The following PCDHA1 variants were observed in gnomAD, a reference collection of about 807,000 sequenced individuals.
PCDHA1 encodes the protein protocadherin alpha 1.
In PCDHA1, 42 loss-of-function variants were observed where a neutral mutation model predicts 61.3. The observed-to-expected ratio is 0.69, with a 90% CI of 0.54 to 0.89. PCDHA1 has a LOEUF of 0.89. Among genes scored for constraint, PCDHA1 ranks in the 40% least tolerant of loss-of-function variants. The probability of loss-of-function intolerance (pLI) is 0.00; values close to 1 mark genes in which losing one functional copy is unlikely to be tolerated. For missense variants in PCDHA1, 1,256 were observed against 1,235.3 expected, an observed-to-expected ratio of 1.02 and a Z score of -0.25; for synonymous variants, 610 against 553.8, an observed-to-expected ratio of 1.10 and a Z score of -1.43.
At chr5:140,805,523 A>T in intron 1 of PCDHA1, 1 of 986,824 alleles carries the variant, frequency 1.0e-6, no homozygotes, top group Non-Finnish European at 1.2e-6. Context: ...TTGTTTAGAC[A>T]AACAGGATGA....
At position 141,010,031 on chromosome 5, in the gene PCDHA1, A is replaced by C; in HGVS notation, c.*94A>C. On this transcript the variant is annotated 3_prime_UTR_variant, in exon 4 of 4. Transcript: ENST00000504120. Reference sequence around the variant, plus strand: ...TTCCCTGCTCCTTTTTCCTATCTACATGAGCCCTCTTAGAGACCTCAGAAA... The same window carrying C: ...TTCCCTGCTCCTTTTTCCTATCTACCTGAGCCCTCTTAGAGACCTCAGAAA... 4 of 1,581,690 alleles carry C rather than the reference A, an allele frequency of 2.5e-6. No individual in the cohort carries two copies. Among genetic ancestry groups the C allele is most frequent in the South Asian group, 1.2e-5 (1 of 84,422 alleles).
In PCDHA1 at chr5:140,787,898, C is replaced by A; in HGVS notation, c.1608C>A (p.Ser536Arg). Residue 536 changes from serine to arginine, a missense_variant, in exon 1 of 4, where the codon AGC becomes AGA. Ser to Arg is a moderately radical substitution (Grantham distance 110). Transcript: ENST00000504120. The stretch of plus-strand genomic sequence containing the variant: ...TGGAGCTGCTGCAGTTCCAGGTGAG[C>A]GCGCGGGATGCGGGCGTGCCGCCTC... ...EELELLQFQV[S>R]ARDAGVPPLG... 1.2e-6 allele frequency: 2 copies of A among 1,613,526 alleles called. No individual in the cohort carries two copies. Among genetic ancestry groups the A allele is most frequent in the Non-Finnish European group, 1.7e-6 (2 of 1,179,854 alleles).
chr5:140,885,566 G>T (rs190303990), intron 1 of PCDHA1, among the ~76,000 whole-genome samples: 3 of 152,162 alleles, frequency 2.0e-5, no homozygotes, highest in South Asian at 4.2e-4. Flanking sequence ...GAAATTGATT[G>T]TCAGATGTGG....
chr5:140,836,309 A>T, intron 1 of PCDHA1: 1 of 1,613,652 alleles, frequency 6.2e-7, no homozygotes, highest in Non-Finnish European at 8.5e-7. Context: ...AGACGGACGC[A>T]CCGCGCCACC....
At chr5:140,915,446 GT>G (rs2077122918) in intron 1 of PCDHA1, among the ~76,000 whole-genome samples, 1 of 152,184 alleles carries the variant, frequency 6.6e-6, no homozygotes, top group African/African-American at 2.4e-5. Flanking sequence ...TCTTGAGAAG[GT>G]TTTCCAGAAG....
At chr5:140,852,893 T>C in intron 1 of PCDHA1, 1 of 907,664 alleles carries the variant, frequency 1.1e-6, no homozygotes, top group Non-Finnish European at 1.3e-6. Context: ...GTATTTTTTT[T>C]TTTGAGTCAG....
Position 140,801,139 on chromosome 5 carries a change from A to T in PCDHA1, c.2394+12455A>T, listed in dbSNP as rs1430872212. 3 of 1,526,066 alleles carry T rather than the reference A, an allele frequency of 2.0e-6. No homozygotes were observed. The African/African-American group carries it at 4.2e-5, about 21-fold the overall frequency. The allele number at this position is 1,526,066 out of a possible 1,614,324, so 94.5% of individuals were successfully genotyped here. ...TTAAGAAATGAAGATAAGGAACTCG[A>T]ATTATTTTTAAACTTTGGATCAATG... is the stretch of plus-strand genomic sequence containing the variant. On this transcript the variant is annotated intron_variant, in intron 1 of 3. Transcript: ENST00000504120.
chr5:140,967,104 A>T (rs374744732), intron 1 of PCDHA1: 3 of 1,613,028 alleles, frequency 1.9e-6, no homozygotes, highest in Non-Finnish European at 2.5e-6. Context: ...CTGTGTGAGC[A>T]GCGGCCTCGC....
chr5:140,855,917 G>A, intron 1 of PCDHA1: 1 of 1,202,824 alleles, frequency 8.3e-7, no homozygotes, highest in South Asian at 1.6e-5. Flanking sequence ...TCAAGGACTA[G>A]GAAGTAGCGT....
chr5:140,849,842 C>G, intron 1 of PCDHA1: 1 of 1,598,534 alleles, frequency 6.3e-7, no homozygotes, highest in Non-Finnish European at 8.6e-7. Flanking sequence ...CCGACGTGAA[C>G]GACAACGCAC....
At chr5:140,932,066 G>C (rs1196454003) in intron 1 of PCDHA1, among the ~76,000 whole-genome samples, 1 of 151,752 alleles carries the variant, frequency 6.6e-6, no homozygotes, top group Non-Finnish European at 1.5e-5. Flanking sequence ...AAAATTATCA[G>C]TTTAAGAAAT....
intron 1 of PCDHA1, among the ~76,000 whole-genome samples, chr5:140,806,086 G>T (rs1554123533): frequency 6.6e-6 from 1 of 152,142 alleles, no homozygotes; most frequent in Admixed American, 6.5e-5. Context: ...TGTAAAAGAA[G>T]AAAAAATACC....
chr5:140,861,667 T>G (rs1459883845), intron 1 of PCDHA1: 1 of 254,356 alleles, frequency 3.9e-6, no homozygotes, highest in Admixed American at 4.6e-5. Context: ...CGAGAGCTCT[T>G]GATTATCGTG....
At chr5:140,841,727 A>G (rs2150321736) in intron 1 of PCDHA1, 1 of 1,613,902 alleles carries the variant, frequency 6.2e-7, no homozygotes, top group Admixed American at 1.7e-5. Context: ...GTTCCGGGTA[A>G]AAGACCAAAA....
chr5:140,861,154 CA>C lies in PCDHA1; in HGVS notation c.2394+72474del, dbSNP rs782409708. On this transcript the variant is annotated intron_variant, in intron 1 of 3. Coordinates refer to ENST00000504120, the MANE Select transcript of PCDHA1 (RefSeq NM_018900.4). ...CACTTGGAACCTCAGGAACAAGGAC[CA>C]AAAGGTCTCAGAGGAACTAAGTCTT... The C allele has an allele frequency of 5.8e-4, 90 of 154,832 alleles. 1 individual carries two copies. The highest frequency in any genetic ancestry group is 1.2e-3 in the Non-Finnish European group (81 of 69,986). 9.6% of individuals were successfully genotyped at this position (154,832 alleles called of 1,614,324 possible). A position where few individuals can be genotyped will look rare whatever the true frequency, so the allele number is the denominator to read the frequency against.
intron 1 of PCDHA1, among the ~76,000 whole-genome samples, chr5:140,941,286 C>CTCTT (rs5871754): frequency 5.6e-5 from 6 of 106,818 alleles, no homozygotes; most frequent in African/African-American, 1.4e-4. Context: ...TCCTTCCTTT[C>CTCTT]TCTTTCTTTC....
intron 1 of PCDHA1, chr5:140,807,563 A>G: frequency 1.2e-6 from 2 of 1,614,194 alleles, no homozygotes; most frequent in South Asian, 1.1e-5. Flanking sequence ...GGTGAGGGAC[A>G]TTAACGATAA....
At chr5:140,951,420 T>G (rs1212893926) in intron 1 of PCDHA1, among the ~76,000 whole-genome samples, 3 of 151,992 alleles carry the variant, frequency 2.0e-5, no homozygotes, top group African/African-American at 7.2e-5. Flanking sequence ...TGGCTCACAG[T>G]TCCACAGGCT....
chr5:141,002,649 T>C (rs2098089134), intron 3 of PCDHA1, among the ~76,000 whole-genome samples: 2 of 152,214 alleles, frequency 1.3e-5, no homozygotes, highest in South Asian at 2.1e-4. Context: ...GTCTACTTCA[T>C]AGGGCTCTTG....
Sources: allele counts gnomAD v4.1 joint callset (sites outside exome capture counted in the v4.1 genomes callset), GRCh38; gene constraint gnomAD v4.1.1; transcripts MANE v1.5; gene names NCBI Gene and HGNC (gene_info 2026-07-23, HGNC 2026-07-21).